COG4: variants seen among roughly 807,000 people sequenced by gnomAD.
COG4 encodes component of oligomeric golgi complex 4.
In COG4, 65 loss-of-function variants were observed where a neutral mutation model predicts 95.1. The ratio of observed to expected loss-of-function variants is 0.68; its 90% confidence interval spans 0.56 to 0.84. COG4 has a LOEUF of 0.84. Among genes scored for constraint, COG4 ranks in the 40% least tolerant of loss-of-function variants. COG4 has a pLI of 0.00. For synonymous variants in COG4, 421 were observed against 374.8 expected (o/e 1.12, Z -1.42); for missense variants, 1,045 against 989.1 (o/e 1.06, Z -0.76).
chr16:70,510,826 C>A (rs1272657473), intron 5 of COG4, among the ~76,000 whole-genome samples: 1 of 150,868 alleles, frequency 6.6e-6, no homozygotes, highest in Middle Eastern at 3.2e-3. Context: ...TGCAGTGGCA[C>A]AATCTTGGCT....
rs567451461 is a variant in COG4, at chr16:70,513,926, G to A, written c.544+409C>T. Among the ~76,000 whole-genome samples the A allele has an allele frequency of 4.8e-4, 73 of 152,248 alleles. 1 individual carries two copies. Among genetic ancestry groups the A allele is most frequent in the Admixed American group, 3.7e-3 (56 of 15,288 alleles). ...CTATTACCAGACAAGAAAACTTCCT[G>A]GCTGGGCGCAGTAGCTTACACCTGT... On this transcript the variant is annotated intron_variant, in intron 4 of 18. Coordinates refer to ENST00000323786, the MANE Select transcript of COG4 (RefSeq NM_015386.3).
At chr16:70,502,601 T>TAAAA (rs59126839) in intron 8 of COG4, among the ~76,000 whole-genome samples, 51 of 140,874 alleles carry the variant, frequency 3.6e-4, no homozygotes, top group Middle Eastern at 3.6e-3. Context: ...AACTCCGTCT[T>TAAAA]AAAAAAAAAA....
chr16:70,522,473 A>G (rs1264799856), intron 1 of COG4, among the ~76,000 whole-genome samples: 1 of 152,188 alleles, frequency 6.6e-6, no homozygotes, highest in Non-Finnish European at 1.5e-5. Flanking sequence ...AACAAAACAA[A>G]AAACACCACA....
intron 5 of COG4, among the ~76,000 whole-genome samples, chr16:70,511,971 TG>T (rs2049716197): frequency 6.6e-6 from 1 of 151,900 alleles, no homozygotes; most frequent in South Asian, 2.1e-4. Context: ...TCAGAGAACT[TG>T]CATTTTAATT....
At chr16:70,492,488 G>A (rs980961154) in intron 12 of COG4, among the ~76,000 whole-genome samples, 5 of 151,796 alleles carry the variant, frequency 3.3e-5, no homozygotes, top group Admixed American at 2.0e-4. Flanking sequence ...GAGAAACCCC[G>A]TCTCTACTAA....
At chr16:70,498,604 C>T (rs994557269) in intron 9 of COG4, among the ~76,000 whole-genome samples, 18 of 152,120 alleles carry the variant, frequency 1.2e-4, no homozygotes, top group Admixed American at 9.8e-4. Flanking sequence ...GGATTACAGG[C>T]GTGAGCCACC....
At chr16:70,497,145 G>T in intron 11 of COG4, 76 bp downstream of exon 11, 1 of 1,377,126 alleles carries the variant, frequency 7.3e-7, no homozygotes, top group Non-Finnish European at 1.0e-6. Context: ...GAGGACAAAG[G>T]GCAGAAACAA....
In COG4 at chr16:70,509,994, G is replaced by A. The variant is rs773283196; in HGVS notation, c.766C>T (p.Leu256Phe). ...QVASKAEENL[L>F]MVLGTDMSDR... ...CTCATGTCTGTCCCCAGCACCATGAGCAGATTCTCCTCAGCTTTACTGGCC... is the reference window on the plus strand; with the variant it reads ...CTCATGTCTGTCCCCAGCACCATGAACAGATTCTCCTCAGCTTTACTGGCC... Residue 256 changes from leucine (L) to phenylalanine (F), a missense_variant, in exon 6 of 19, where the codon CTC becomes TTC. Transcript: ENST00000323786. The A allele has an allele frequency of 1.2e-6, 2 of 1,614,058 alleles. No homozygotes were observed. The highest frequency in any genetic ancestry group is 3.3e-5 in the Admixed American group (2 of 60,008).
intron 7 of COG4, 196 bp downstream of exon 7, chr16:70,509,035 G>T (rs1205829798): frequency 1.6e-5 from 11 of 684,638 alleles, no homozygotes; most frequent in Admixed American, 2.2e-5. Flanking sequence ...CTTGAACTGA[G>T]GCCATCATCA....
intron 9 of COG4, among the ~76,000 whole-genome samples, chr16:70,499,746 G>A (rs2049409646): frequency 6.6e-6 from 1 of 152,016 alleles, no homozygotes; most frequent in Non-Finnish European, 1.5e-5. Context: ...TGCAAGCTCC[G>A]CCTCCCGGGT....
At chr16:70,501,237 C>T in intron 8 of COG4, 146 bp from the exon 9 acceptor site, 3 of 779,212 alleles carry the variant, frequency 3.9e-6, no homozygotes, top group South Asian at 1.5e-5. Context: ...CTCTGCTGGC[C>T]CAATTAGAAT....
Position 70,481,382 on chromosome 16 carries a change from C to T in COG4, c.2212G>A (p.Ala738Thr), listed in dbSNP as rs1253315476. Reference sequence around the variant, plus strand: ...ACCCGCTCCAGATTGAGGATGGTGGCCATCTGGGAGAGCCGGGCAAACTTG... The same window carrying T: ...ACCCGCTCCAGATTGAGGATGGTGGTCATCTGGGAGAGCCGGGCAAACTTG... Reference protein sequence around the residue: ...RDKFARLSQMATILNLERVTE... With the variant: ...RDKFARLSQMTTILNLERVTE... The change falls in exon 18 of 19, where the codon GCC becomes ACC. Residue 738 changes from alanine (A) to threonine (T), a missense_variant. Ala to Thr is a moderately conservative substitution (Grantham distance 58). Coordinates refer to ENST00000323786, the MANE Select transcript of COG4 (RefSeq NM_015386.3). 6.2e-7 allele frequency: 1 copy of T among 1,613,116 alleles called. No homozygotes were observed. Among genetic ancestry groups the T allele is most frequent in the East Asian group, 2.2e-5 (1 of 44,874 alleles).
intron 7 of COG4, chr16:70,508,973 T>G: frequency 1.8e-6 from 1 of 568,348 alleles, no homozygotes; most frequent in East Asian, 3.4e-5. Context: ...AGAACTGGTT[T>G]ACTACTTCTG....
Position 70,481,806 on chromosome 16 carries a change from G to T in COG4, c.2064C>A (p.Ala688=), listed in dbSNP as rs370361108. Residue 688 remains alanine, a synonymous_variant, in exon 17 of 19, where the codon GCC becomes GCA. Transcript: ENST00000323786. ...SLTGLMTSLV[A]VELEKVVLKS... ...TCAGCACCACTTTCTCCAACTCGAC[G>T]GCAACAAGGCTAGTCATGAGGCCGG... 2 of 1,614,060 alleles carry T rather than the reference G, an allele frequency of 1.2e-6. No individual in the cohort carries two copies. The highest frequency in any genetic ancestry group is 1.7e-5 in the Admixed American group (1 of 60,008).
chr16:70,508,508 C>G (rs1182636214), intron 7 of COG4, 44 bp from the exon 8 acceptor site: 1 of 1,539,166 alleles, frequency 6.5e-7, no homozygotes, highest in Non-Finnish European at 9.0e-7. Flanking sequence ...CCCACCCCCA[C>G]ATCTATTGGC....
At chr16:70,489,717 G>A (rs143841853) in intron 13 of COG4, among the ~76,000 whole-genome samples, 2 of 151,666 alleles carry the variant, frequency 1.3e-5, no homozygotes, top group African/African-American at 4.8e-5. Context: ...ACAAGCTAGG[G>A]CTGGATGGAG....
In COG4 at chr16:70,481,142, C is replaced by T; in HGVS notation, c.2238G>A (p.Val746=). ...GTCCCCAGTAATCGAGGATCTCGGT[C>T]ACCTGTGGGGAAGGACATAGAGACC... is the stretch of plus-strand genomic sequence containing the variant. The part of the protein sequence containing the change: ...QMATILNLER[V]TEILDYWGPN... Residue 746 remains valine, a splice_region_variant and synonymous_variant, in exon 19 of 19, where the codon GTG becomes GTA. Coordinates refer to ENST00000323786, the MANE Select transcript of COG4 (RefSeq NM_015386.3). 6.2e-7 allele frequency: 1 copy of T among 1,613,318 alleles called. No homozygotes were observed. The highest frequency in any genetic ancestry group is 8.5e-7 in the Non-Finnish European group (1 of 1,179,934).
chr16:70,520,645 AAG>A (rs2049922958), intron 1 of COG4, among the ~76,000 whole-genome samples: 2 of 152,000 alleles, frequency 1.3e-5, no homozygotes, highest in South Asian at 4.1e-4. Flanking sequence ...AAAAAAAAAA[AAG>A]AAAATACAAT....
intron 12 of COG4, among the ~76,000 whole-genome samples, chr16:70,491,819 C>T (rs972693076): frequency 2.7e-5 from 3 of 112,832 alleles, no homozygotes; most frequent in African/African-American, 4.3e-5. Context: ...AACAAAACTA[C>T]GTCTCAAAAA....
Sources: gnomAD v4.1 joint callset for allele counts (sites outside exome capture counted in the v4.1 genomes callset) on GRCh38, gnomAD v4.1.1 for gene constraint, MANE v1.5 for transcripts, NCBI Gene and HGNC (gene_info 2026-07-23, HGNC 2026-07-21) for gene names.